The following VPS54 variants were observed in gnomAD, a reference collection of about 807,000 sequenced individuals.
VPS54 encodes vacuolar protein sorting-associated protein 54.
Under a neutral mutation model 121.5 loss-of-function variants are expected in VPS54, and 45 were observed. That is an observed-to-expected ratio of 0.37 (90% CI 0.29 to 0.47). The LOEUF (loss-of-function observed/expected upper bound fraction) is 0.47. VPS54 is among the 20% of genes least tolerant of loss of function. The pLI is 0.99. For synonymous variants in VPS54, 371 were observed against 385.8 expected (o/e 0.96, Z 0.45); for missense variants, 1,090 against 1,131.4 (o/e 0.96, Z 0.52).
At chr2:63,926,514 C>T (rs573345101) in intron 12 of VPS54, among the ~76,000 whole-genome samples, 5 of 152,124 alleles carry the variant, frequency 3.3e-5, no homozygotes, top group African/African-American at 4.8e-5. Flanking sequence ...GCTGACCGGT[C>T]GCTCCCAAGA....
At chr2:63,930,246 T>C (rs1390791204) in intron 12 of VPS54, among the ~76,000 whole-genome samples, 3 of 152,090 alleles carry the variant, frequency 2.0e-5, no homozygotes. Flanking sequence ...CTGATGAACA[T>C]CGATGAGAAA....
At chr2:63,913,684 T>C in intron 17 of VPS54, 1 of 284,536 alleles carries the variant, frequency 3.5e-6, no homozygotes, top group Non-Finnish European at 5.5e-6. Flanking sequence ...ATTAACAGAT[T>C]AGAGGTTTGA....
chr2:63,908,241 G>T (rs752977377), intron 20 of VPS54, among the ~76,000 whole-genome samples: 1 of 151,930 alleles, frequency 6.6e-6, no homozygotes, highest in East Asian at 1.9e-4. Context: ...ATAATAAAAC[G>T]GAACAAACCA....
intron 1 of VPS54, among the ~76,000 whole-genome samples, chr2:63,996,557 G>C (rs759525833): frequency 9.2e-5 from 14 of 152,328 alleles, no homozygotes; most frequent in Non-Finnish European, 1.9e-4. Flanking sequence ...CTGACTGCCT[G>C]GAAGCCACGC....
chr2:64,019,383 C>A lies in VPS54; in HGVS notation c.-466G>T, dbSNP rs1004100113. Among the ~76,000 whole-genome samples, 24 of 151,150 alleles carry A rather than the reference C, an allele frequency of 1.6e-4. No homozygotes were observed. The highest frequency in any genetic ancestry group is 5.9e-5 in the Non-Finnish European group (4 of 67,744). The stretch of plus-strand genomic sequence containing the variant: ...CCAGCCGGCTCGGCCCGGTCGGGTG[C>A]GGGGAGACAGCGCCGGAGGCCGCCG... On this transcript the variant is annotated 5_prime_UTR_variant, in exon 1 of 23. Coordinates refer to ENST00000272322, the MANE Select transcript of VPS54 (RefSeq NM_016516.3).
intron 2 of VPS54, among the ~76,000 whole-genome samples, chr2:63,982,488 A>G (rs1437290944): frequency 6.6e-6 from 1 of 152,226 alleles, no homozygotes; most frequent in East Asian, 1.9e-4. Context: ...CTAAAGAGTT[A>G]GGTTCCTGCG....
At chr2:63,967,718 C>CATAAAAAAAAAAAAA (rs1676069871) in intron 5 of VPS54, among the ~76,000 whole-genome samples, 1 of 52,988 alleles carries the variant, frequency 1.9e-5, no homozygotes, top group African/African-American at 8.0e-5. Flanking sequence ...GACTCTGCCT[C>CATAAAAAAAAAAAAA]AAAAAAAAAA....
intron 12 of VPS54, among the ~76,000 whole-genome samples, chr2:63,926,719 T>A (rs1158369586): frequency 1.3e-5 from 2 of 152,150 alleles, no homozygotes; most frequent in Non-Finnish European, 2.9e-5. Flanking sequence ...GTCGGGGGAT[T>A]TCCCTTTCCT....
At chr2:64,018,676 G>A (rs1162607097) in intron 1 of VPS54, among the ~76,000 whole-genome samples, 1 of 151,650 alleles carries the variant, frequency 6.6e-6, no homozygotes, top group Non-Finnish European at 1.5e-5. Context: ...GGGCAAGAGC[G>A]GCGTTTGCGG....
chr2:64,000,018 G>A (rs1677795562), intron 1 of VPS54, among the ~76,000 whole-genome samples: 2 of 151,894 alleles, frequency 1.3e-5, no homozygotes, highest in Non-Finnish European at 2.9e-5. Flanking sequence ...GTGCCACCTT[G>A]CCCGGCTAAT....
intron 20 of VPS54, among the ~76,000 whole-genome samples, chr2:63,911,890 C>T (rs1673165112): frequency 6.6e-6 from 1 of 152,170 alleles, no homozygotes; most frequent in South Asian, 2.1e-4. Context: ...TGATATTTTT[C>T]TGAAGATACT....
At chr2:63,932,810 G>A (rs767183505) in intron 12 of VPS54, among the ~76,000 whole-genome samples, 2 of 152,010 alleles carry the variant, frequency 1.3e-5, no homozygotes, top group African/African-American at 2.4e-5. Flanking sequence ...GGAGATTACT[G>A]GGTCAATTGG....
Position 63,947,434 on chromosome 2 carries a change from TA to T in VPS54, c.1193del (p.Leu398Ter). The T allele has an allele frequency of 6.4e-7, 1 of 1,554,164 alleles. No homozygotes were observed. Among genetic ancestry groups the T allele is most frequent in the Non-Finnish European group, 8.8e-7 (1 of 1,136,472 alleles). On this transcript the variant is annotated frameshift_variant, in exon 9 of 23. Transcript: ENST00000272322. LOFTEE classifies it high-confidence loss of function. ...GLLKQRKLNF[L>X]EIYGEKMVIT... The stretch of plus-strand genomic sequence containing the variant: ...TAACCATTTTTTCACCATAGATTTC[TA>T]AAAAATTAAGCTTTCTTTGTTTTAA...
At chr2:63,983,694 AG>A (rs1356249700) in intron 2 of VPS54, among the ~76,000 whole-genome samples, 169 bp downstream of exon 2, 1 of 142,748 alleles carries the variant, frequency 7.0e-6, no homozygotes, top group East Asian at 2.1e-4. Context: ...CGCCCACCTC[AG>A]CCTCCCAAAG....
intron 20 of VPS54, among the ~76,000 whole-genome samples, chr2:63,911,475 TTAA>T (rs1396986272): frequency 6.6e-6 from 1 of 152,166 alleles, no homozygotes; most frequent in Non-Finnish European, 1.5e-5. Context: ...AATAATATTA[TTAA>T]TAAGATGCTA....
At chr2:63,966,953 TC>T (rs1676029708) in intron 5 of VPS54, among the ~76,000 whole-genome samples, 1 of 152,222 alleles carries the variant, frequency 6.6e-6, no homozygotes, top group South Asian at 2.1e-4. Flanking sequence ...GGCAAATGTG[TC>T]GTTGTGCATG....
chr2:63,969,764 G>A (rs954466923), intron 4 of VPS54, among the ~76,000 whole-genome samples: 2 of 152,152 alleles, frequency 1.3e-5, no homozygotes, highest in Middle Eastern at 3.2e-3. Flanking sequence ...CAAAAAGATT[G>A]AGGACTGCTG....
chr2:63,998,668 AAAAAG>A (rs1217231266), intron 1 of VPS54, among the ~76,000 whole-genome samples: 1 of 152,156 alleles, frequency 6.6e-6, no homozygotes, highest in African/African-American at 2.4e-5. Flanking sequence ...ATAAATAGGC[AAAAAG>A]AAAACTAATA....
Position 63,893,498 on chromosome 2 carries a change from G to C in VPS54, c.2866C>G (p.Leu956Val), listed in dbSNP as rs894508057. 6 of 1,614,020 alleles carry C rather than the reference G, an allele frequency of 3.7e-6. No individual in the cohort carries two copies. The highest frequency in any genetic ancestry group is 1.3e-5 in the African/African-American group (1 of 75,028). The change falls in exon 23 of 23, where the codon CTT becomes GTT. Residue 956 changes from leucine (L) to valine (V), a missense_variant. Leu to Val is a conservative substitution (Grantham distance 32, BLOSUM62 1). Around this residue, in one of 2 missense-constraint regions of VPS54, gnomAD observed 289 missense variants for 374.4 expected, o/e 0.77. Transcript: ENST00000272322. ...TCTTTAAGGCCTTTTAAGGCTTGAA[G>C]ATTTCCAGTGTAAAAAGCTACATCT... ...TADVAFYTGN[L>V]QALKGLKDLD... is the part of the protein sequence containing the mutation.
Sources: gnomAD v4.1 joint callset for allele counts (sites outside exome capture counted in the v4.1 genomes callset) on GRCh38, gnomAD v4.1.1 for gene constraint, gnomAD v4.1.1 regional missense constraint, MANE v1.5 for transcripts, NCBI Gene and HGNC (gene_info 2026-07-23, HGNC 2026-07-21) for gene names.